Variants in AHI1 observed in about 807,000 individuals in gnomAD.
AHI1 encodes jouberin.
A neutral mutation model predicts 149.3 loss-of-function variants in AHI1; 123 were observed. That is an observed-to-expected ratio of 0.82 (90% CI 0.71 to 0.96). The LOEUF is 0.96. AHI1 is among the 40% of genes least tolerant of loss of function. The probability of loss-of-function intolerance (pLI) is 0.00; values close to 1 mark genes in which losing one functional copy is unlikely to be tolerated. For missense variants in AHI1, 1,439 were observed against 1,422.7 expected (o/e 1.01, Z -0.18); for synonymous variants, 475 against 459.8 (o/e 1.03, Z -0.42).
chr6:135,446,239 AG>A (rs1224503225), intron 13 of AHI1, among the ~76,000 whole-genome samples: 1 of 152,140 alleles, frequency 6.6e-6, no homozygotes, highest in Non-Finnish European at 1.5e-5. Flanking sequence ...CAGTATTTGG[AG>A]ACATGGTCTT....
At chr6:135,332,320 G>T (rs1169125742) in intron 24 of AHI1, among the ~76,000 whole-genome samples, 1 of 152,096 alleles carries the variant, frequency 6.6e-6, no homozygotes, top group African/African-American at 2.4e-5. Flanking sequence ...TGCCTGCCTC[G>T]GCTTCCAAAG....
intron 23 of AHI1, among the ~76,000 whole-genome samples, chr6:135,368,764 A>G (rs1774586147): frequency 6.6e-6 from 1 of 152,118 alleles, no homozygotes; most frequent in African/African-American, 2.4e-5. Context: ...AGTAGCAAAG[A>G]GTTTATTTCC....
intron 3 of AHI1, among the ~76,000 whole-genome samples, chr6:135,493,751 A>G (rs1313263274): frequency 6.6e-6 from 1 of 152,146 alleles, no homozygotes; most frequent in East Asian, 1.9e-4. Context: ...TGATTCATCA[A>G]AAAAAAGCCT....
intron 8 of AHI1, among the ~76,000 whole-genome samples, chr6:135,461,165 T>G (rs1789822165): frequency 6.6e-6 from 1 of 151,986 alleles, no homozygotes; most frequent in African/African-American, 2.4e-5. Context: ...GGGTAGGTAT[T>G]TATATCTGAG....
intron 13 of AHI1, among the ~76,000 whole-genome samples, chr6:135,445,443 T>A (rs1389644312): frequency 2.0e-5 from 3 of 152,236 alleles, no homozygotes; most frequent in Non-Finnish European, 4.4e-5. Flanking sequence ...GGCAGAAGTA[T>A]ATACATGTAC....
intron 6 of AHI1, among the ~76,000 whole-genome samples, 165 bp downstream of exon 6, chr6:135,467,416 C>T (rs1790946532): frequency 6.6e-6 from 1 of 152,030 alleles, no homozygotes; most frequent in Admixed American, 6.5e-5. Context: ...AGCAAGAAAA[C>T]CCAACTGCTG....
chr6:135,388,034 C>A, intron 23 of AHI1: 1 of 1,613,630 alleles, frequency 6.2e-7, no homozygotes, highest in South Asian at 1.1e-5. Flanking sequence ...AAGTGACTGT[C>A]TGGAAAACAA....
At position 135,337,158 on chromosome 6, in the gene AHI1, CA is replaced by C. The variant is rs565454770; in HGVS notation, c.3166-13835del. ...CTTGTCACTTTCCTTAAAATTATGCCAAAAAAAAAGGGTCTTAAAGACTTGG... is the reference window on the plus strand; with the variant it reads ...CTTGTCACTTTCCTTAAAATTATGCCAAAAAAAAGGGTCTTAAAGACTTGG... On this transcript the variant is annotated intron_variant, in intron 24 of 28. Transcript: ENST00000265602. Among the ~76,000 whole-genome samples, 27 of 147,902 alleles carry C rather than the reference CA, an allele frequency of 1.8e-4. No individual in the cohort carries two copies. The East Asian group carries it at 2.8e-3, about 15-fold the overall frequency.
intron 25 of AHI1, among the ~76,000 whole-genome samples, chr6:135,321,801 A>G (rs1167555833): frequency 1.3e-5 from 2 of 152,100 alleles, no homozygotes; most frequent in Non-Finnish European, 2.9e-5. Flanking sequence ...CCTATACTAC[A>G]ACTTTTTTTT....
chr6:135,447,698 C>T (rs1001989937), intron 12 of AHI1, among the ~76,000 whole-genome samples: 1 of 152,016 alleles, frequency 6.6e-6, no homozygotes, highest in Admixed American at 6.5e-5. Context: ...TATTTTAGGG[C>T]CAATTCTTTG....
chr6:135,420,533 T>C (rs890593051), intron 20 of AHI1, among the ~76,000 whole-genome samples: 1 of 152,172 alleles, frequency 6.6e-6, no homozygotes, highest in Non-Finnish European at 1.5e-5. Context: ...AGCTTCTAGA[T>C]CATCACTTGT....
rs576288644 is a variant in AHI1 at position 135,371,000 on chromosome 6, CATACCA to C, written c.3110-12819_3110-12814del. On this transcript the variant is annotated intron_variant, in intron 23 of 28. Coordinates refer to ENST00000265602, the MANE Select transcript of AHI1 (RefSeq NM_001134831.2). ...ACCTCTCTCCAACCAAGATACTATA[CATACCA>C]ATATCTCCTTGCTCCACATCAAGAT... is the stretch of plus-strand genomic sequence containing the variant. 2.4e-3 allele frequency among the ~76,000 whole-genome samples: 370 copies of C among 152,266 alleles called. 4 individuals carry two copies. The highest frequency in any genetic ancestry group is 8.3e-3 in the African/African-American group (347 of 41,558).
At chr6:135,436,762 C>T (rs779477567) in intron 15 of AHI1, among the ~76,000 whole-genome samples, 19 of 152,062 alleles carry the variant, frequency 1.2e-4, no homozygotes, top group Non-Finnish European at 1.8e-4. Context: ...CCACCACACC[C>T]GGCTTATTTT....
intron 13 of AHI1, among the ~76,000 whole-genome samples, chr6:135,444,012 T>C (rs899439204): frequency 1.3e-5 from 2 of 152,188 alleles, no homozygotes; most frequent in African/African-American, 4.8e-5. Flanking sequence ...ATCATGTTCT[T>C]TGTATTCTCA....
intron 8 of AHI1, among the ~76,000 whole-genome samples, chr6:135,461,799 C>T (rs1015648763): frequency 6.6e-6 from 1 of 151,850 alleles, no homozygotes; most frequent in African/African-American, 2.4e-5. Context: ...ATAAATCTTA[C>T]AAAATTAACA....
At chr6:135,430,536 T>C (rs1306313139) in intron 17 of AHI1, among the ~76,000 whole-genome samples, 7 of 151,878 alleles carry the variant, frequency 4.6e-5, no homozygotes, top group African/African-American at 1.2e-4. Context: ...AATTATATTA[T>C]GAAAAATTGA....
intron 24 of AHI1, among the ~76,000 whole-genome samples, chr6:135,337,960 A>C (rs988529855): frequency 1.3e-5 from 2 of 152,154 alleles, no homozygotes; most frequent in Non-Finnish European, 2.9e-5. Context: ...ATGGGGAAGA[A>C]GATAAGGATA....
rs1781614658 is a variant in AHI1 at position 135,411,662 on chromosome 6, A to G, written c.2765-118T>C. Reference sequence around the variant, plus strand: ...CATAACACATCTTAAAAACTGGGTAATAATAAGACACCATAACTAGCAAAA... The same window carrying G: ...CATAACACATCTTAAAAACTGGGTAGTAATAAGACACCATAACTAGCAAAA... On this transcript the variant is annotated intron_variant, in intron 20 of 28. Coordinates refer to ENST00000265602, the MANE Select transcript of AHI1 (RefSeq NM_001134831.2). 1.8e-5 allele frequency: 13 copies of G among 720,372 alleles called. No homozygotes were observed. The East Asian group carries it at 4.0e-4, about 22-fold the overall frequency. 44.6% of individuals were successfully genotyped at this position (720,372 alleles called of 1,614,324 possible). A position where few individuals can be genotyped will look rare whatever the true frequency, so the allele number is the denominator to read the frequency against.
At chr6:135,430,981 A>T (rs1020732413) in intron 17 of AHI1, among the ~76,000 whole-genome samples, 1 of 152,034 alleles carries the variant, frequency 6.6e-6, no homozygotes, top group Non-Finnish European at 1.5e-5. Flanking sequence ...AATGGGGTAT[A>T]AAAAAGTGAA....
Sources: allele counts gnomAD v4.1 joint callset (sites outside exome capture counted in the v4.1 genomes callset), GRCh38; gene constraint gnomAD v4.1.1; transcripts MANE v1.5; gene names NCBI Gene and HGNC (gene_info 2026-07-23, HGNC 2026-07-21).